TECR: variants seen among roughly 807,000 people sequenced by gnomAD.
The protein encoded by TECR is very-long-chain enoyl-CoA reductase.
A neutral mutation model predicts 50.6 loss-of-function variants in TECR; 19 were observed. The ratio of observed to expected loss-of-function variants is 0.38; its 90% confidence interval spans 0.26 to 0.55. The LOEUF (loss-of-function observed/expected upper bound fraction) is 0.55, where lower values mean the gene tolerates loss of function less well. Among genes scored for constraint, TECR ranks in the 20% least tolerant of loss-of-function variants. TECR has a pLI of 0.79. For missense variants in TECR, 313 were observed against 408.3 expected (o/e 0.77, Z 2.01); for synonymous variants, 168 against 163.5 (o/e 1.03, Z -0.21).
intron 1 of TECR, among the ~76,000 whole-genome samples, chr19:14,546,258 T>A (rs73002854): frequency 0.29 from 44,237 of 151,630 alleles, 7,039 homozygotes; most frequent in Non-Finnish European, 0.37. Context: ...TCAGAAGGAA[T>A]TCTAGATTTG....
At chr19:14,559,185 G>A (rs1210699933) in intron 1 of TECR, among the ~76,000 whole-genome samples, 2 of 152,176 alleles carry the variant, frequency 1.3e-5, no homozygotes, top group Non-Finnish European at 2.9e-5. Context: ...AATTTATTGA[G>A]GTGAAATTCA....
In TECR at chr19:14,540,237, A is replaced by C. The variant is rs144554619; in HGVS notation, c.15+10526A>C. Among the ~76,000 whole-genome samples the C allele has an allele frequency of 8.6e-3, 1,262 of 147,482 alleles. 16 individuals are homozygous for C. Among genetic ancestry groups the C allele is most frequent in the African/African-American group, 0.03 (1,190 of 40,000 alleles). On this transcript the variant is annotated intron_variant, in intron 1 of 12. Coordinates refer to ENST00000215567, the MANE Select transcript of TECR (RefSeq NM_138501.6). ...ACCACGCCTGGCTAATTTATTTTTT[A>C]TTTTTTATTTTTACTAGAGACAGGG...
intron 1 of TECR, among the ~76,000 whole-genome samples, chr19:14,546,169 C>T (rs536972409): frequency 3.2e-3 from 482 of 152,190 alleles, no homozygotes; most frequent in Non-Finnish European, 5.4e-3. Flanking sequence ...ATGGGGGCGG[C>T]GCTGGGGGCT....
intron 7 of TECR, 152 bp downstream of exon 7, chr19:14,564,439 C>G: frequency 1.4e-6 from 1 of 717,778 alleles, no homozygotes; most frequent in Non-Finnish European, 2.4e-6. Flanking sequence ...CCCAGCCCCG[C>G]CCTCGCAGAG....
intron 1 of TECR, among the ~76,000 whole-genome samples, chr19:14,535,679 TG>T (rs1486965975): frequency 3.2e-5 from 4 of 124,970 alleles, no homozygotes; most frequent in Non-Finnish European, 6.4e-5. Context: ...CGTTTGAACC[TG>T]GGAGGTGGAG....
intron 1 of TECR, among the ~76,000 whole-genome samples, chr19:14,544,190 A>C (rs1031368712): frequency 2.0e-5 from 3 of 151,514 alleles, no homozygotes; most frequent in Admixed American, 6.6e-5. Context: ...ACCTCCGAGA[A>C]GCCTCTGCCC....
intron 1 of TECR, 59 bp from the exon 2 acceptor site, chr19:14,562,466 C>A: frequency 1.2e-6 from 2 of 1,607,088 alleles, no homozygotes; most frequent in Non-Finnish European, 1.7e-6. Context: ...AATGGGCTCC[C>A]CAGGCCCACA....
intron 11 of TECR, 41 bp from the exon 12 acceptor site, chr19:14,565,577 T>A: frequency 1.3e-6 from 2 of 1,592,208 alleles, no homozygotes; most frequent in Non-Finnish European, 1.7e-6. Flanking sequence ...CATACACGGG[T>A]TGCGAGGCTG....
intron 1 of TECR, among the ~76,000 whole-genome samples, chr19:14,549,257 G>C (rs986722125): frequency 7.0e-6 from 1 of 142,532 alleles, no homozygotes; most frequent in Non-Finnish European, 1.5e-5. Flanking sequence ...TCTGTCGCCA[G>C]GCTGGGGTGC....
At chr19:14,539,693 C>T (rs1247260179) in intron 1 of TECR, among the ~76,000 whole-genome samples, 3 of 152,124 alleles carry the variant, frequency 2.0e-5, no homozygotes, top group East Asian at 1.9e-4. Flanking sequence ...GCTATTCCCT[C>T]GGCCCTGGAT....
chr19:14,560,631 A>C (rs1437978069), intron 1 of TECR, among the ~76,000 whole-genome samples: 1 of 152,154 alleles, frequency 6.6e-6, no homozygotes, highest in African/African-American at 2.4e-5. Context: ...GGAGGAGTTC[A>C]GTAACCTTCC....
upstream of TECR, among the ~76,000 whole-genome samples, chr19:14,528,573 T>C (rs2072491495): frequency 6.6e-6 from 1 of 151,868 alleles, no homozygotes; most frequent in Admixed American, 6.6e-5. Flanking sequence ...AGTGGCCCCA[T>C]TGGAGCCACT....
At chr19:14,556,919 C>T (rs73927061) in intron 1 of TECR, among the ~76,000 whole-genome samples, 6 of 152,074 alleles carry the variant, frequency 3.9e-5, no homozygotes, top group Non-Finnish European at 7.4e-5. Flanking sequence ...GAAAGTATCT[C>T]GCTATTGTTA....
intron 1 of TECR, among the ~76,000 whole-genome samples, chr19:14,554,242 A>G (rs561741234): frequency 1.3e-5 from 2 of 152,318 alleles, no homozygotes. Context: ...AAGCTGTGGC[A>G]GTTCCAGCCC....
intron 1 of TECR, among the ~76,000 whole-genome samples, chr19:14,536,937 T>C (rs1420877570): frequency 8.4e-6 from 1 of 119,454 alleles, no homozygotes; most frequent in African/African-American, 3.3e-5. Flanking sequence ...TCTGGACCTC[T>C]GGACACGGGG....
At chr19:14,557,552 A>G (rs1013307264) in intron 1 of TECR, among the ~76,000 whole-genome samples, 3 of 144,186 alleles carry the variant, frequency 2.1e-5, no homozygotes, top group African/African-American at 7.9e-5. Flanking sequence ...CCTGGGTTCA[A>G]GCAATTCTCC....
chr19:14,546,899 A>G (rs2073326631), intron 1 of TECR, among the ~76,000 whole-genome samples: 1 of 152,228 alleles, frequency 6.6e-6, no homozygotes. Context: ...TATGTTGGCC[A>G]GGCTGGTCTC....
intron 1 of TECR, among the ~76,000 whole-genome samples, chr19:14,535,533 A>T (rs1599415293): frequency 3.5e-4 from 22 of 62,044 alleles, no homozygotes; most frequent in African/African-American, 1.5e-3. Flanking sequence ...AAAAAAAAAA[A>T]AAAAAAAAAA....
chr19:14,565,328 G>A, intron 11 of TECR, 38 bp downstream of exon 11: 1 of 1,608,690 alleles, frequency 6.2e-7, no homozygotes, highest in Non-Finnish European at 8.5e-7. Flanking sequence ...CCTGGGACTT[G>A]GGGTCCCATG....
Sources: gnomAD v4.1 joint callset for allele counts (sites outside exome capture counted in the v4.1 genomes callset) on GRCh38, gnomAD v4.1.1 for gene constraint, MANE v1.5 for transcripts, NCBI Gene and HGNC (gene_info 2026-07-23, HGNC 2026-07-21) for gene names.